Variants in NDST1 observed in about 807,000 individuals in gnomAD.
NDST1 encodes N-deacetylase and N-sulfotransferase 1.
A neutral mutation model predicts 92.8 loss-of-function variants in NDST1; 35 were observed. That is an observed-to-expected ratio of 0.38 (90% confidence interval 0.29 to 0.50). NDST1 has a LOEUF of 0.50. Among genes scored for constraint, NDST1 ranks in the 20% least tolerant of loss-of-function variants. The pLI is 0.94. For synonymous variants in NDST1, 493 were observed against 500.3 expected (o/e 0.99, Z 0.19); for missense variants, 822 against 1,182.7 (o/e 0.69, Z 4.47).
At chr5:150,526,990 C>T (rs1167497544) in intron 2 of NDST1, among the ~76,000 whole-genome samples, 1 of 152,232 alleles carries the variant, frequency 6.6e-6, no homozygotes, top group Non-Finnish European at 1.5e-5. Context: ...GAGGGAGTGG[C>T]CTCTGGGGTG....
rs1275710599 is a variant in NDST1 at position 150,548,359 on chromosome 5, C to T, written c.2287C>T (p.Arg763Cys). Residue 763 changes from arginine to cysteine, a missense_variant, in exon 12 of 15, where the codon CGC (arginine) becomes TGC (cysteine). Physicochemically the swap from Arg to Cys is radical, Grantham distance 180. Transcript: ENST00000261797. ...TGGCTGGTACGCCACCCACATCGAG[C>T]GCTGGCTCAGTGCCTATCACGCCAA... ...VPGWYATHIERWLSAYHANQI... is the reference protein window; with the variant it reads ...VPGWYATHIECWLSAYHANQI... 4.3e-6 allele frequency: 7 copies of T among 1,613,284 alleles called. No individual in the cohort carries two copies. Among genetic ancestry groups the T allele is most frequent in the Non-Finnish European group, 4.2e-6 (5 of 1,180,030 alleles).
rs183457404 is a variant in NDST1 at position 150,554,000 on chromosome 5, G to T, written c.*668G>T. 9.8e-6 allele frequency: 4 copies of T among 407,496 alleles called. No individual in the cohort carries two copies. The highest frequency in any genetic ancestry group is 6.1e-5 in the African/African-American group (3 of 48,804). The allele number at this position is 407,496 out of a possible 1,614,324, so 25.2% of individuals were successfully genotyped here. ...CCTTGGGGCACTGCCTTGCCATCGG[G>T]CCCAGTTCTCCGGGCCCCACCTGCA... On this transcript the variant is annotated 3_prime_UTR_variant, in exon 15 of 15. Coordinates refer to ENST00000261797, the MANE Select transcript of NDST1 (RefSeq NM_001543.5). This position sits in a 1 kb window ranked among gnomAD's most constrained non-coding sequence, Gnocchi z 4.2.
chr5:150,513,713 A>C (rs1753829515), intron 1 of NDST1, among the ~76,000 whole-genome samples: 1 of 152,178 alleles, frequency 6.6e-6, no homozygotes, highest in Non-Finnish European at 1.5e-5. Flanking sequence ...TCTTGGTCTC[A>C]TTCCTGGAGC....
chr5:150,527,623 T>C lies in NDST1; in HGVS notation c.514-181T>C, dbSNP rs891261217. Among the ~76,000 whole-genome samples the C allele has an allele frequency of 9.9e-5, 15 of 152,272 alleles. 2 individuals carry two copies. Among genetic ancestry groups the C allele is most frequent in the Admixed American group, 7.2e-4 (11 of 15,290 alleles). The stretch of plus-strand genomic sequence containing the variant: ...GCACCTAGTGCCTGGCTTTGGTAAG[T>C]GAGTCGTGTGTTTGTGAGTATATTA... On this transcript the variant is annotated intron_variant, in intron 2 of 14. Coordinates refer to ENST00000261797, the MANE Select transcript of NDST1 (RefSeq NM_001543.5).
chr5:150,526,354 TG>T (rs1309965593), intron 2 of NDST1, among the ~76,000 whole-genome samples: 1 of 152,254 alleles, frequency 6.6e-6, no homozygotes, highest in Non-Finnish European at 1.5e-5. Context: ...GCCATGTCTT[TG>T]TTTTTCTCAC....
Position 150,521,309 on chromosome 5 carries a change from G to A in NDST1, c.55G>A (p.Val19Ile). The A allele has an allele frequency of 6.2e-7, 1 of 1,613,122 alleles. No homozygotes were observed. The highest frequency in any genetic ancestry group is 1.3e-5 in the African/African-American group (1 of 75,048). ...RLCRHVSPQA[V>I]LFLLFIFCLF... ...GTGTCGGCACGTGTCCCCGCAGGCTGTCCTTTTCCTGCTGTTCATCTTCTG... is the reference window on the plus strand; with the variant it reads ...GTGTCGGCACGTGTCCCCGCAGGCTATCCTTTTCCTGCTGTTCATCTTCTG... The change falls in exon 2 of 15, where the codon GTC becomes ATC. Residue 19 changes from valine (V) to isoleucine (I), a missense_variant. Physicochemically the swap from Val to Ile is conservative, Grantham distance 29 (BLOSUM62 3). Coordinates refer to ENST00000261797, the MANE Select transcript of NDST1 (RefSeq NM_001543.5). The surrounding 1 kb of genome is among the most constrained non-coding windows in gnomAD (Gnocchi z 5.9).
At chr5:150,534,838 G>A (rs753869718) in intron 4 of NDST1, 29 bp from the exon 5 acceptor site, 6 of 1,614,090 alleles carry the variant, frequency 3.7e-6, no homozygotes, top group Middle Eastern at 1.6e-4. Flanking sequence ...GGCCCAGTGG[G>A]TGGTTCTGAG....
intron 12 of NDST1, 61 bp from the exon 13 acceptor site, chr5:150,549,617 C>T (rs1044228625): frequency 1.0e-6 from 1 of 972,084 alleles, no homozygotes; most frequent in South Asian, 1.3e-5. Flanking sequence ...GCTGCCGTGG[C>T]TGTTGCCCTT....
chr5:150,515,919 G>A lies in NDST1; in HGVS notation c.-387-4949G>A, dbSNP rs530334544. 1.2e-3 allele frequency among the ~76,000 whole-genome samples: 179 copies of A among 152,232 alleles called. 1 individual carries two copies. Among genetic ancestry groups the A allele is most frequent in the Non-Finnish European group, 2.2e-3 (149 of 67,994 alleles). On this transcript the variant is annotated intron_variant, in intron 1 of 14. Coordinates refer to ENST00000261797, the MANE Select transcript of NDST1 (RefSeq NM_001543.5). The stretch of plus-strand genomic sequence containing the variant: ...GTGCTGGAAGCCCCCTTTGCCAGCC[G>A]GCTGAGTGGCTGGCACTTTGCTACA...
At chr5:150,541,837 A>G (rs975698169) in intron 9 of NDST1, among the ~76,000 whole-genome samples, 171 bp downstream of exon 9, 2 of 152,158 alleles carry the variant, frequency 1.3e-5, no homozygotes, top group African/African-American at 4.8e-5. Context: ...TGGAGGGGAA[A>G]GAGGTGGAGG....
chr5:150,536,292 C>T (rs975162996), intron 6 of NDST1, among the ~76,000 whole-genome samples: 1 of 151,932 alleles, frequency 6.6e-6, no homozygotes, highest in African/African-American at 2.4e-5. Flanking sequence ...TTCATACCAG[C>T]CTGGGCAATG....
At chr5:150,549,860 G>A (rs1162737133) in intron 13 of NDST1, 73 bp downstream of exon 13, 16 of 870,898 alleles carry the variant, frequency 1.8e-5, no homozygotes, top group Non-Finnish European at 2.9e-5. Flanking sequence ...CCAAAGTCTT[G>A]AATAATTATG....
Position 150,551,867 on chromosome 5 carries a change from A to G in NDST1, c.2529+12A>G, listed in dbSNP as rs749346009. The G allele has an allele frequency of 5.0e-6, 8 of 1,612,268 alleles. No individual in the cohort carries two copies. Among genetic ancestry groups the G allele is most frequent in the Non-Finnish European group, 6.8e-6 (8 of 1,178,632 alleles). Reference sequence around the variant, plus strand: ...AGATGGACTTGGATGTAAGTGGTGGACACACTACCTGTAGCACCTGCATAA... The same window carrying G: ...AGATGGACTTGGATGTAAGTGGTGGGCACACTACCTGTAGCACCTGCATAA... On this transcript the variant is annotated intron_variant, in intron 14 of 14. Transcript: ENST00000261797.
intron 6 of NDST1, 62 bp from the exon 7 acceptor site, chr5:150,539,166 A>T: frequency 7.3e-7 from 1 of 1,363,022 alleles, no homozygotes; most frequent in Non-Finnish European, 1.0e-6. Flanking sequence ...TCTGAGGAAG[A>T]GTCCTCCCAC....
At chr5:150,515,629 C>T (rs565071437) in intron 1 of NDST1, among the ~76,000 whole-genome samples, 2 of 152,138 alleles carry the variant, frequency 1.3e-5, no homozygotes, top group Non-Finnish European at 2.9e-5. Flanking sequence ...GCAAAAGCCT[C>T]AATGCTTCCC....
intron 1 of NDST1, among the ~76,000 whole-genome samples, chr5:150,501,667 C>A (rs901527554): frequency 5.3e-5 from 8 of 152,186 alleles, no homozygotes; most frequent in African/African-American, 1.9e-4. Flanking sequence ...CTACTTTGGT[C>A]CAGGCTCTTT....
intron 1 of NDST1, among the ~76,000 whole-genome samples, chr5:150,511,408 T>C (rs1753715388): frequency 1.3e-5 from 2 of 151,968 alleles, no homozygotes; most frequent in South Asian, 4.2e-4. Context: ...GCAGGGGAGC[T>C]CAATCAGGAC....
intron 11 of NDST1, among the ~76,000 whole-genome samples, chr5:150,546,746 CCT>C (rs376259531): frequency 8.8e-4 from 134 of 152,398 alleles, no homozygotes; most frequent in African/African-American, 3.2e-3. Context: ...GCACCTGCCT[CCT>C]CTTTGCTCCC....
chr5:150,553,241 G>C lies in NDST1; in HGVS notation c.2558G>C (p.Arg853Pro). Residue 853 changes from arginine to proline, a missense_variant, in exon 15 of 15, where the codon CGG becomes CCG. By Grantham distance (103) the Arg-to-Pro change is moderately radical. Transcript: ENST00000261797. This position sits in a 1 kb window ranked among gnomAD's most constrained non-coding sequence, Gnocchi z 4.2. ...CGAGCCTTCCTGAAGGACTATTACC[G>C]GGACCACAACATCGAGCTCTCCAAG... The part of the protein sequence containing the change: ...DSRAFLKDYY[R>P]DHNIELSKLL... 1 of 1,613,612 alleles carries C rather than the reference G, an allele frequency of 6.2e-7. No individual in the cohort carries two copies.
Sources: allele counts gnomAD v4.1 joint callset (sites outside exome capture counted in the v4.1 genomes callset), GRCh38; gene constraint gnomAD v4.1.1; non-coding constraint Gnocchi (gnomAD v3.1); transcripts MANE v1.5; gene names NCBI Gene and HGNC (gene_info 2026-07-23, HGNC 2026-07-21).